The following BNC2 variants were observed in gnomAD, a reference collection of about 807,000 sequenced individuals.
BNC2 encodes zinc finger protein basonuclin-2.
Under a neutral mutation model 76.3 loss-of-function variants are expected in BNC2, and 20 were observed. That is an observed-to-expected ratio of 0.26 (90% CI 0.18 to 0.38). The LOEUF (loss-of-function observed/expected upper bound fraction) is 0.38, where lower values mean the gene tolerates loss of function less well. Among genes scored for constraint, BNC2 ranks in the 10% least tolerant of loss-of-function variants. BNC2 has a pLI of 1.00. For missense variants in BNC2, 1,382 were observed against 1,399.8 expected (o/e 0.99, Z 0.20); for synonymous variants, 582 against 514.8 (o/e 1.13, Z -1.77).
At chr9:16,438,233 T>C (rs1230254841) in intron 5 of BNC2, among the ~76,000 whole-genome samples, 1 of 152,212 alleles carries the variant, frequency 6.6e-6, no homozygotes, top group African/African-American at 2.4e-5. Flanking sequence ...TGTAATCCTA[T>C]GATTCAAAGT....
chr9:16,828,408 C>T (rs1818500628), intron 1 of BNC2, among the ~76,000 whole-genome samples: 1 of 152,112 alleles, frequency 6.6e-6, no homozygotes, highest in Non-Finnish European at 1.5e-5. Context: ...TAAACCCTTC[C>T]CATGAAATGA....
chr9:16,850,219 T>C (rs920153456), intron 1 of BNC2, among the ~76,000 whole-genome samples: 16 of 152,172 alleles, frequency 1.1e-4, no homozygotes, highest in Admixed American at 3.9e-4. Flanking sequence ...AAATTCACTC[T>C]ACAGTAGAAT....
chr9:16,774,960 C>A (rs138968837), intron 1 of BNC2, among the ~76,000 whole-genome samples: 1 of 152,168 alleles, frequency 6.6e-6, no homozygotes, highest in African/African-American at 2.4e-5. Context: ...TCAGTTATAT[C>A]TGTCATGTAC....
chr9:16,691,589 A>C (rs138249741), intron 3 of BNC2, among the ~76,000 whole-genome samples: 93 of 147,796 alleles, frequency 6.3e-4, no homozygotes, highest in African/African-American at 2.4e-3. Flanking sequence ...GGCTCACTGA[A>C]AGCTGTGCCT....
intron 5 of BNC2, among the ~76,000 whole-genome samples, chr9:16,500,519 G>C (rs1188699330): frequency 6.6e-6 from 1 of 152,034 alleles, no homozygotes; most frequent in African/African-American, 2.4e-5. Context: ...TCACTCACTT[G>C]AAGTATATAT....
At position 16,790,368 on chromosome 9, in the gene BNC2, T is replaced by C. The variant is rs1817470809; in HGVS notation, c.4-51883A>G. Among the ~76,000 whole-genome samples the C allele has an allele frequency of 2.0e-5, 3 of 152,334 alleles. No homozygotes were observed. In the South Asian group the frequency reaches 6.2e-4, roughly 32 times the overall value. ...ACCTTTAATTTTTTTGTCAAAACAG[T>C]AAAAACTGTCTATCAGCTATAAATG... is the stretch of plus-strand genomic sequence containing the variant. On this transcript the variant is annotated intron_variant, in intron 1 of 6. Coordinates refer to ENST00000380672, the MANE Select transcript of BNC2 (RefSeq NM_017637.6).
intron 3 of BNC2, among the ~76,000 whole-genome samples, chr9:16,616,973 T>TA (rs557946238): frequency 2.0e-5 from 3 of 152,052 alleles, no homozygotes; most frequent in East Asian, 3.9e-4. Flanking sequence ...GAGGAATCTT[T>TA]AAAAAAAATA....
At chr9:16,732,916 T>C (rs1190098300) in intron 2 of BNC2, among the ~76,000 whole-genome samples, 2 of 152,228 alleles carry the variant, frequency 1.3e-5, no homozygotes, top group Non-Finnish European at 2.9e-5. Flanking sequence ...CAATCTTATA[T>C]GTGGACTCAG....
rs144045209 is a variant in BNC2, at chr9:16,482,457, G to GA, written c.670-44934dup. On this transcript the variant is annotated intron_variant, in intron 5 of 6. Transcript: ENST00000380672. ...CTATAGAAACTCAAACTAATAGGCA[G>GA]AAAAAAAAAACCCTCTTCTTATATT... 2.0e-3 allele frequency among the ~76,000 whole-genome samples: 286 copies of GA among 146,030 alleles called. 2 individuals are homozygous for GA. In the South Asian group the frequency reaches 0.021, roughly 11 times the overall value.
At chr9:16,563,687 G>C (rs1412742823) in intron 4 of BNC2, among the ~76,000 whole-genome samples, 1 of 152,186 alleles carries the variant, frequency 6.6e-6, no homozygotes, top group Admixed American at 6.5e-5. Flanking sequence ...GTATTCATGT[G>C]AACAGATGTC....
intron 4 of BNC2, among the ~76,000 whole-genome samples, chr9:16,563,191 T>G (rs1352477503): frequency 6.6e-6 from 1 of 152,158 alleles, no homozygotes; most frequent in Non-Finnish European, 1.5e-5. Flanking sequence ...TCTGCAACAG[T>G]AAGATAAAAG....
Position 16,479,243 on chromosome 9 carries a change from C to CTT in BNC2, c.670-41720_670-41719insAA, listed in dbSNP as rs1440202153. Among the ~76,000 whole-genome samples, 33 of 132,588 alleles carry CTT rather than the reference C, an allele frequency of 2.5e-4. 3 individuals are homozygous for CTT. The highest frequency in any genetic ancestry group is 2.4e-3 in the Admixed American group (31 of 12,738). 87.0% of individuals were successfully genotyped at this position (132,588 alleles called of 152,430 possible). A position where few individuals can be genotyped will look rare whatever the true frequency, so the allele number is the denominator to read the frequency against. On this transcript the variant is annotated intron_variant, in intron 5 of 6. Transcript: ENST00000380672. ...CCAGCCTGGGCGACAGAACGAGACT[C>CTT]TGTCTCAAAAAAAAAAAAAAGAAAA...
chr9:16,563,305 T>C (rs1380555246), intron 4 of BNC2, among the ~76,000 whole-genome samples: 1 of 152,276 alleles, frequency 6.6e-6, no homozygotes, highest in East Asian at 1.9e-4. Context: ...ACAACATGCC[T>C]CTAAACTGAA....
At chr9:16,485,778 T>C (rs1287218506) in intron 5 of BNC2, among the ~76,000 whole-genome samples, 1 of 152,030 alleles carries the variant, frequency 6.6e-6, no homozygotes, top group Non-Finnish European at 1.5e-5. Context: ...CACTGCACTC[T>C]AGCCTGGGCA....
At chr9:16,665,160 G>C (rs1331388271) in intron 3 of BNC2, 1 of 433,906 alleles carries the variant, frequency 2.3e-6, no homozygotes, top group South Asian at 1.6e-5. Context: ...CCTGAGGTCA[G>C]GAGTTTGAGA....
rs267602189 is a variant in BNC2 at position 16,419,030 on chromosome 9, G to C, written c.3259C>G (p.Pro1087Ala). The C allele has an allele frequency of 6.2e-7, 1 of 1,614,090 alleles. No homozygotes were observed. The highest frequency in any genetic ancestry group is 8.5e-7 in the Non-Finnish European group (1 of 1,180,020). The change falls in exon 7 of 7, where the codon CCT (proline) becomes GCT (alanine). Residue 1087 changes from proline to alanine, a missense_variant. Physicochemically the swap from Pro to Ala is conservative, Grantham distance 27. Around this residue, in one of 3 missense-constraint regions of BNC2, gnomAD observed 798 missense variants for 775.5 expected, o/e 1.03. Coordinates refer to ENST00000380672, the MANE Select transcript of BNC2 (RefSeq NM_017637.6). ...VRSRNRHSQN[P>A]NLHKNIPFTS... is the part of the protein sequence containing the mutation. ...AAGGGAATGTTTTTGTGGAGATTAG[G>C]GTTCTGACTGTGCCGATTTCGGCTT...
chr9:16,536,722 T>C (rs2132299899), intron 5 of BNC2, among the ~76,000 whole-genome samples: 1 of 152,284 alleles, frequency 6.6e-6, no homozygotes, highest in East Asian at 1.9e-4. Flanking sequence ...AATATAATAA[T>C]CTTTCAGATG....
At chr9:16,857,204 A>T (rs1004665300) in intron 1 of BNC2, among the ~76,000 whole-genome samples, 2 of 152,182 alleles carry the variant, frequency 1.3e-5, no homozygotes, top group Non-Finnish European at 2.9e-5. Flanking sequence ...CAGGCCAGGC[A>T]CAGTGGCTCA....
At chr9:16,649,992 A>G (rs1365183364) in intron 3 of BNC2, among the ~76,000 whole-genome samples, 1 of 152,156 alleles carries the variant, frequency 6.6e-6, no homozygotes, top group Non-Finnish European at 1.5e-5. Context: ...CAAAATGGAG[A>G]CACCGAAGAG....
Sources: gnomAD v4.1 joint callset for allele counts (sites outside exome capture counted in the v4.1 genomes callset) on GRCh38, gnomAD v4.1.1 for gene constraint, gnomAD v4.1.1 regional missense constraint, MANE v1.5 for transcripts, NCBI Gene and HGNC (gene_info 2026-07-23, HGNC 2026-07-21) for gene names.